The following GDI2 variants were observed in gnomAD, a reference collection of about 807,000 sequenced individuals.
GDI2 encodes rab GDP dissociation inhibitor beta.
Under a neutral mutation model 54.2 loss-of-function variants are expected in GDI2, and 22 were observed. The observed-to-expected ratio is 0.41, with a 90% CI of 0.29 to 0.58. The LOEUF is 0.58. Ranked by LOEUF, GDI2 falls within the 20% of genes least tolerant of loss-of-function variation. GDI2 has a pLI of 0.35. For synonymous variants in GDI2, 177 were observed against 182.1 expected, an observed-to-expected ratio of 0.97 and a Z score of 0.23; for missense variants, 422 against 546.0, an observed-to-expected ratio of 0.77 and a Z score of 2.26.
At chr10:5,805,166 C>A (rs182969543) in intron 1 of GDI2, among the ~76,000 whole-genome samples, 2 of 152,086 alleles carry the variant, frequency 1.3e-5, no homozygotes, top group Admixed American at 1.3e-4. Context: ...ATGGCTAACC[C>A]TGCAAGCAGG....
chr10:5,766,383 C>T lies in GDI2; in HGVS notation c.1137-88G>A. 6.7e-7 allele frequency: 1 copy of T among 1,492,242 alleles called. No individual in the cohort carries two copies. The highest frequency in any genetic ancestry group is 1.1e-5 in the South Asian group (1 of 88,584). 92.4% of individuals were successfully genotyped at this position (1,492,242 alleles called of 1,614,324 possible). A position where few individuals can be genotyped will look rare whatever the true frequency, so the allele number is the denominator to read the frequency against. ...GGTCAACTGAGAGGTACAGATGAAT[C>T]CCACAGAGCAGCCAGCAGCTACCTG... is the stretch of plus-strand genomic sequence containing the variant. On this transcript the variant is annotated intron_variant, in intron 9 of 10. Coordinates refer to ENST00000380191, the MANE Select transcript of GDI2 (RefSeq NM_001494.4). This position sits in a 1 kb window ranked among gnomAD's most constrained non-coding sequence, Gnocchi z 5.8.
chr10:5,808,301 G>C (rs907993034), intron 1 of GDI2, among the ~76,000 whole-genome samples: 1 of 152,034 alleles, frequency 6.6e-6, no homozygotes, highest in Admixed American at 6.6e-5. Context: ...CTCCAGCCTG[G>C]GTAAGAGACC....
At chr10:5,802,158 T>G (rs1204377396) in intron 1 of GDI2, among the ~76,000 whole-genome samples, 1 of 152,210 alleles carries the variant, frequency 6.6e-6, no homozygotes, top group Non-Finnish European at 1.5e-5. Context: ...AGCCGCTTTT[T>G]TTTATGAATA....
Position 5,770,561 on chromosome 10 carries a change from C to CA in GDI2, c.820-2178dup, listed in dbSNP as rs544323518. 1.4e-3 allele frequency among the ~76,000 whole-genome samples: 206 copies of CA among 144,402 alleles called. 3 individuals are homozygous for CA. In the East Asian group the frequency reaches 0.029, roughly 20 times the overall value. The allele number at this position is 144,402 out of a possible 152,430, so 94.7% of individuals were successfully genotyped here. A position where few individuals can be genotyped will look rare whatever the true frequency, so the allele number is the denominator to read the frequency against. On this transcript the variant is annotated intron_variant, in intron 7 of 10. Coordinates refer to ENST00000380191, the MANE Select transcript of GDI2 (RefSeq NM_001494.4). The stretch of plus-strand genomic sequence containing the variant: ...TGGGCGACAGAGTGAGACTCCATCT[C>CA]AAAAAAAAAGAAGAGGAAAAGTGTT...
chr10:5,782,316 A>ATAC lies in GDI2; in HGVS notation c.719+2823_719+2825dup, dbSNP rs766323927. 1.1e-4 allele frequency among the ~76,000 whole-genome samples: 16 copies of ATAC among 152,348 alleles called. No individual in the cohort carries two copies. The East Asian group carries it at 2.9e-3, about 28-fold the overall frequency. ...GGGCAATTAAAATTAAAAACTTACA[A>ATAC]TACTAAATGTTGACAAGGATGTGGA... On this transcript the variant is annotated intron_variant, in intron 6 of 10. Coordinates refer to ENST00000380191, the MANE Select transcript of GDI2 (RefSeq NM_001494.4).
chr10:5,788,020 T>TC (rs1199788689), intron 4 of GDI2, among the ~76,000 whole-genome samples: 2 of 152,186 alleles, frequency 1.3e-5, no homozygotes, highest in African/African-American at 4.8e-5. Flanking sequence ...TGTTTTTCCA[T>TC]CCCTTAATTC....
chr10:5,766,514 G>C lies in GDI2; in HGVS notation c.1116C>G (p.Leu372=). The C allele has an allele frequency of 1.9e-6, 3 of 1,613,672 alleles. No individual in the cohort carries two copies. The highest frequency in any genetic ancestry group is 2.5e-6 in the Non-Finnish European group (3 of 1,180,000). The change falls in exon 9 of 11, where the codon CTC becomes CTG. Residue 372 remains leucine (L), a synonymous_variant. Coordinates refer to ENST00000380191, the MANE Select transcript of GDI2 (RefSeq NM_001494.4). The surrounding 1 kb of genome is among the most constrained non-coding windows in gnomAD (Gnocchi z 5.8). ...PEKEIRPALE[L]LEPIEQKFVS... ...CTCACTTCTGTTCAATTGGTTCCAA[G>C]AGCTCCAAAGCTGGTCTGATTTCCT...
chr10:5,781,001 A>G (rs926213851), intron 6 of GDI2, among the ~76,000 whole-genome samples: 6 of 152,312 alleles, frequency 3.9e-5, no homozygotes, highest in Non-Finnish European at 5.9e-5. Flanking sequence ...ATATAAAACT[A>G]TAATTATCCA....
At chr10:5,782,427 A>T (rs966761474) in intron 6 of GDI2, among the ~76,000 whole-genome samples, 1 of 152,230 alleles carries the variant, frequency 6.6e-6, no homozygotes, top group African/African-American at 2.4e-5. Flanking sequence ...TTATGAATTC[A>T]GACTTCTATC....
rs1421812247 is a variant in GDI2 at position 5,768,675 on chromosome 10, C to T, written c.820-291G>A. 13 of 278,136 alleles carry T rather than the reference C, an allele frequency of 4.7e-5. No homozygotes were observed. The highest frequency in any genetic ancestry group is 8.1e-5 in the Non-Finnish European group (12 of 147,728). The allele number at this position is 278,136 out of a possible 1,614,324, so 17.2% of individuals were successfully genotyped here. A position where few individuals can be genotyped will look rare whatever the true frequency, so the allele number is the denominator to read the frequency against. ...GAGGAGAGAGCCAGAAATAAACCCT[C>T]GCATCCACAGTACAGTGATTTTTGA... is the stretch of plus-strand genomic sequence containing the variant. On this transcript the variant is annotated intron_variant, in intron 7 of 10. Transcript: ENST00000380191. The surrounding 1 kb of genome is among the most constrained non-coding windows in gnomAD (Gnocchi z 4.4).
In GDI2 at chr10:5,765,719, T is replaced by G; in HGVS notation, c.*287A>C. 1 of 326,738 alleles carries G rather than the reference T, an allele frequency of 3.1e-6. No individual in the cohort carries two copies. The allele number at this position is 326,738 out of a possible 1,614,324, so 20.2% of individuals were successfully genotyped here. On this transcript the variant is annotated 3_prime_UTR_variant, in exon 11 of 11. Transcript: ENST00000380191. ...ACACTGATTAAAAGATTAAAAAAACTGTCTCAAGTTGTCTGTGTCGGTATC... is the reference window on the plus strand; with the variant it reads ...ACACTGATTAAAAGATTAAAAAAACGGTCTCAAGTTGTCTGTGTCGGTATC...
intron 1 of GDI2, among the ~76,000 whole-genome samples, chr10:5,804,265 TG>T (rs1299283306): frequency 6.6e-6 from 1 of 152,064 alleles, no homozygotes; most frequent in African/African-American, 2.4e-5. Context: ...GGCTAATTTT[TG>T]TATTTTTAGT....
At chr10:5,791,576 C>G (rs928255303) in intron 4 of GDI2, among the ~76,000 whole-genome samples, 1 of 151,928 alleles carries the variant, frequency 6.6e-6, no homozygotes, top group African/African-American at 2.4e-5. Context: ...GGAGAAACCC[C>G]GTCTCTACTA....
At chr10:5,767,059 G>C (rs1840356531) in intron 8 of GDI2, among the ~76,000 whole-genome samples, 1 of 152,186 alleles carries the variant, frequency 6.6e-6, no homozygotes, top group Non-Finnish European at 1.5e-5. Context: ...TAAAACTGCA[G>C]AATCCACATA....
At chr10:5,784,139 T>C (rs1011242515) in intron 6 of GDI2, among the ~76,000 whole-genome samples, 3 of 152,238 alleles carry the variant, frequency 2.0e-5, no homozygotes, top group East Asian at 3.8e-4. Context: ...AAATTCTTTT[T>C]TGTCTTTGTC....
In GDI2 at chr10:5,773,155, C is replaced by T. The variant is rs138082857; in HGVS notation, c.819+687G>A. Among the ~76,000 whole-genome samples, 836 of 152,014 alleles carry T rather than the reference C, an allele frequency of 5.5e-3. 5 individuals carry two copies. The highest frequency in any genetic ancestry group is 0.019 in the African/African-American group (797 of 41,446). On this transcript the variant is annotated intron_variant, in intron 7 of 10. Coordinates refer to ENST00000380191, the MANE Select transcript of GDI2 (RefSeq NM_001494.4). ...GTGAGACCTAAATAACTGAAGATGC[C>T]CCCCACCCCACCACCCAGGAGGTTG...
chr10:5,795,506 T>C (rs1841125583), intron 3 of GDI2, among the ~76,000 whole-genome samples: 1 of 152,246 alleles, frequency 6.6e-6, no homozygotes. Context: ...TTGTTATTTT[T>C]TATCTTTTTT....
chr10:5,811,206 T>C (rs1013678128), intron 1 of GDI2, among the ~76,000 whole-genome samples: 3 of 152,202 alleles, frequency 2.0e-5, no homozygotes, highest in Non-Finnish European at 4.4e-5. Flanking sequence ...AATAATGTGA[T>C]TGTCCTGAAT....
chr10:5,796,250 T>G (rs923446250), intron 3 of GDI2, among the ~76,000 whole-genome samples: 1 of 151,604 alleles, frequency 6.6e-6, no homozygotes, highest in Non-Finnish European at 1.5e-5. Context: ...CTTGGGAGGC[T>G]GAGGCAGGAG....
Sources: allele counts gnomAD v4.1 joint callset (sites outside exome capture counted in the v4.1 genomes callset), GRCh38; gene constraint gnomAD v4.1.1; non-coding constraint Gnocchi (gnomAD v3.1); transcripts MANE v1.5; gene names NCBI Gene and HGNC (gene_info 2026-07-23, HGNC 2026-07-21).